The following VAX1 variants were observed in gnomAD, a reference collection of about 807,000 sequenced individuals.
VAX1 encodes ventral anterior homeobox 1.
VAX1 carries 6 observed loss-of-function variants against 17.6 expected under a neutral mutation model. The observed-to-expected ratio is 0.34, with a 90% CI of 0.19 to 0.67. The LOEUF is 0.67. VAX1 is among the 30% of genes least tolerant of loss of function. VAX1 has a pLI of 0.69. For synonymous variants in VAX1, 256 were observed against 227.4 expected, an observed-to-expected ratio of 1.13 and a Z score of -1.13; for missense variants, 408 against 463.7, an observed-to-expected ratio of 0.88 and a Z score of 1.10.
chr10:117,135,764 T>C (rs1026379934), intron 2 of VAX1, among the ~76,000 whole-genome samples: 2 of 152,238 alleles, frequency 1.3e-5, no homozygotes, highest in Admixed American at 1.3e-4. Flanking sequence ...GGGCATCATA[T>C]GGATTTAATG....
rs1272377377 is a variant in VAX1 at position 117,137,231 on chromosome 10, C to A, written c.242-572G>T. On this transcript the variant is annotated intron_variant, in intron 1 of 2. Coordinates refer to ENST00000369206, the MANE Select transcript of VAX1 (RefSeq NM_001112704.2). This position sits in a 1 kb window ranked among gnomAD's most constrained non-coding sequence, Gnocchi z 7.4. ...CGCCGCCGGGGCTAAGTGCACGCCG[C>A]GCCATCCGAGAGCGGCAGAGCAGAG... 3.3e-5 allele frequency among the ~76,000 whole-genome samples: 5 copies of A among 152,104 alleles called. No homozygotes were observed. The East Asian group carries it at 7.8e-4, about 24-fold the overall frequency.
At position 117,137,189 on chromosome 10, in the gene VAX1, C is replaced by T. The variant is rs1854194542; in HGVS notation, c.242-530G>A. On this transcript the variant is annotated intron_variant, in intron 1 of 2. Coordinates refer to ENST00000369206, the MANE Select transcript of VAX1 (RefSeq NM_001112704.2). This position sits in a 1 kb window ranked among gnomAD's most constrained non-coding sequence, Gnocchi z 7.4. ...TGGCTGGGGCGGCGCCGGGCCGGGGCCCGGCCTCGCAGCCTCCGCCGCCGG... is the reference window on the plus strand; with the variant it reads ...TGGCTGGGGCGGCGCCGGGCCGGGGTCCGGCCTCGCAGCCTCCGCCGCCGG... Among the ~76,000 whole-genome samples, 1 of 151,956 alleles carries T rather than the reference C, an allele frequency of 6.6e-6. No homozygotes were observed. Among genetic ancestry groups the T allele is most frequent in the South Asian group, 2.1e-4 (1 of 4,826 alleles).
chr10:117,130,223 C>T (rs1854067174), downstream of VAX1: 1 of 152,080 alleles, frequency 6.6e-6, no homozygotes, highest in South Asian at 2.1e-4. Flanking sequence ...CCCAAAGCCA[C>T]CATGAGGAAT....
Position 117,136,440 on chromosome 10 carries a change from G to A in VAX1, c.429+32C>T, listed in dbSNP as rs1411858815. ...AGGGGTGGTGGGGAGGAAGGCTGGT[G>A]CAGAACTGTGTGCGGCCTGGTCGCC... On this transcript the variant is annotated intron_variant, in intron 2 of 2. Transcript: ENST00000369206. The surrounding 1 kb of genome is among the most constrained non-coding windows in gnomAD (Gnocchi z 5.0). 3 of 1,610,796 alleles carry A rather than the reference G, an allele frequency of 1.9e-6. No individual in the cohort carries two copies. The highest frequency in any genetic ancestry group is 1.7e-6 in the Non-Finnish European group (2 of 1,179,582).
Position 117,137,725 on chromosome 10 carries a change from C to G in VAX1, c.241+91G>C. On this transcript the variant is annotated intron_variant, in intron 1 of 2. Coordinates refer to ENST00000369206, the MANE Select transcript of VAX1 (RefSeq NM_001112704.2). This position sits in a 1 kb window ranked among gnomAD's most constrained non-coding sequence, Gnocchi z 7.4. Reference sequence around the variant, plus strand: ...TTTCTCCCAAGTCCCAGCCGGCACTCCTTCCCACCGGCCTGTGTCGGCGGC... The same window carrying G: ...TTTCTCCCAAGTCCCAGCCGGCACTGCTTCCCACCGGCCTGTGTCGGCGGC... The G allele has an allele frequency of 6.3e-7, 1 of 1,597,186 alleles. No individual in the cohort carries two copies.
Position 117,138,181 on chromosome 10 carries a change from G to T in VAX1, c.-125C>A. 1 of 1,134,742 alleles carries T rather than the reference G, an allele frequency of 8.8e-7. No individual in the cohort carries two copies. The highest frequency in any genetic ancestry group is 1.5e-5 in the South Asian group (1 of 68,636). The allele number at this position is 1,134,742 out of a possible 1,614,324, so 70.3% of individuals were successfully genotyped here. A position where few individuals can be genotyped will look rare whatever the true frequency, so the allele number is the denominator to read the frequency against. ...AAACCCCCGACAACGCGGCCCGTACGCCCGGCCCGGCGACAGGCAAGGGGC... is the reference window on the plus strand; with the variant it reads ...AAACCCCCGACAACGCGGCCCGTACTCCCGGCCCGGCGACAGGCAAGGGGC... On this transcript the variant is annotated 5_prime_UTR_variant, in exon 1 of 3. Transcript: ENST00000369206.
chr10:117,135,471 T>C (rs1854160654), intron 2 of VAX1, among the ~76,000 whole-genome samples: 1 of 152,234 alleles, frequency 6.6e-6, no homozygotes, highest in African/African-American at 2.4e-5. Context: ...AAGACTATCC[T>C]ATCTAGATTT....
downstream of VAX1, chr10:117,132,416 T>C (rs1339490947): frequency 6.2e-7 from 1 of 1,612,562 alleles, no homozygotes; most frequent in Non-Finnish European, 8.5e-7. This position sits in a 1 kb window ranked among gnomAD's most constrained non-coding sequence, Gnocchi z 4.9. Context: ...ACAAAGTTAG[T>C]AGCCTGGATT....
chr10:117,135,309 A>C (rs764596029), intron 2 of VAX1, among the ~76,000 whole-genome samples: 3 of 152,220 alleles, frequency 2.0e-5, no homozygotes, highest in Non-Finnish European at 2.9e-5. Flanking sequence ...CTCTTAGTTT[A>C]TCTCTCCACT....
chr10:117,134,201 C>T lies in VAX1; in HGVS notation c.812G>A (p.Ser271Asn), dbSNP rs1854133632. ...LHAGAPAAGHSLFSLPVPSLL... is the reference protein window; with the variant it reads ...LHAGAPAAGHNLFSLPVPSLL... ...CGAGGGCACCGGCAGGCTGAAGAGGCTGTGGCCCGCGGCCGGGGCGCCTGC... is the reference window on the plus strand; with the variant it reads ...CGAGGGCACCGGCAGGCTGAAGAGGTTGTGGCCCGCGGCCGGGGCGCCTGC... The change falls in exon 3 of 3, where the codon AGC becomes AAC. Residue 271 changes from serine (S) to asparagine (N), a missense_variant. Ser to Asn is a conservative substitution (Grantham distance 46). Coordinates refer to ENST00000369206, the MANE Select transcript of VAX1 (RefSeq NM_001112704.2). The surrounding 1 kb of genome is among the most constrained non-coding windows in gnomAD (Gnocchi z 6.2). 1 of 1,481,304 alleles carries T rather than the reference C, an allele frequency of 6.8e-7. No homozygotes were observed. The highest frequency in any genetic ancestry group is 8.9e-7 in the Non-Finnish European group (1 of 1,120,256). 91.8% of individuals were successfully genotyped at this position (1,481,304 alleles called of 1,614,324 possible).
chr10:117,132,121 G>A (rs1854093122), downstream of VAX1: 12 of 1,349,246 alleles, frequency 8.9e-6, no homozygotes, highest in Middle Eastern at 8.0e-4. This position sits in a 1 kb window ranked among gnomAD's most constrained non-coding sequence, Gnocchi z 4.9. Flanking sequence ...ACAAATCGTC[G>A]TAGCCAGGCG....
chr10:117,138,097 A>C lies in VAX1; in HGVS notation c.-41T>G. Reference sequence around the variant, plus strand: ...CAAAAACAGAAAGGAAAAAAAAAGCAAAAAAAAAAAAAAGGGGGGGGGGCG... The same window carrying C: ...CAAAAACAGAAAGGAAAAAAAAAGCCAAAAAAAAAAAAAGGGGGGGGGGCG... On this transcript the variant is annotated 5_prime_UTR_variant, in exon 1 of 3. Transcript: ENST00000369206. The C allele has an allele frequency of 4.1e-5, 2 of 48,600 alleles. No homozygotes were observed. Among genetic ancestry groups the C allele is most frequent in the Non-Finnish European group, 7.3e-5 (2 of 27,324 alleles). The allele number at this position is 48,600 out of a possible 1,614,324, so 3.0% of individuals were successfully genotyped here. A position where few individuals can be genotyped will look rare whatever the true frequency, so the allele number is the denominator to read the frequency against.
Position 117,133,435 on chromosome 10 carries a change from C to T in VAX1, c.*573G>A. Reference sequence around the variant, plus strand: ...AAGGGGAGAAAAACCGCAGGATTTGCCCGCCAGGAAGCTGTGTTGTGTACC... The same window carrying T: ...AAGGGGAGAAAAACCGCAGGATTTGTCCGCCAGGAAGCTGTGTTGTGTACC... On this transcript the variant is annotated 3_prime_UTR_variant, in exon 3 of 3. Coordinates refer to ENST00000369206, the MANE Select transcript of VAX1 (RefSeq NM_001112704.2). 3.0e-6 allele frequency: 3 copies of T among 985,470 alleles called. No individual in the cohort carries two copies. The highest frequency in any genetic ancestry group is 3.6e-6 in the Non-Finnish European group (3 of 830,022). The allele number at this position is 985,470 out of a possible 1,614,324, so 61.0% of individuals were successfully genotyped here.
chr10:117,136,112 A>G lies in VAX1; in HGVS notation c.429+360T>C, dbSNP rs1854173621. ...GGTGGGGCCTAGAAATCTAGCCAAA[A>G]TGGGGTACCCCAAACAAGGGCAAAA... On this transcript the variant is annotated intron_variant, in intron 2 of 2. Coordinates refer to ENST00000369206, the MANE Select transcript of VAX1 (RefSeq NM_001112704.2). This position sits in a 1 kb window ranked among gnomAD's most constrained non-coding sequence, Gnocchi z 5.0. Among the ~76,000 whole-genome samples the G allele has an allele frequency of 6.6e-6, 1 of 152,242 alleles. No homozygotes were observed. The highest frequency in any genetic ancestry group is 1.5e-5 in the Non-Finnish European group (1 of 68,042).
chr10:117,134,280 G>A lies in VAX1; in HGVS notation c.733C>T (p.Pro245Ser). The A allele has an allele frequency of 8.0e-7, 1 of 1,253,460 alleles. No individual in the cohort carries two copies. Among genetic ancestry groups the A allele is most frequent in the Non-Finnish European group, 1.0e-6 (1 of 1,003,280 alleles). The allele number at this position is 1,253,460 out of a possible 1,614,324, so 77.6% of individuals were successfully genotyped here. ...GPAGAASPHP[P>S]AVGGAPGPGP... Reference sequence around the variant, plus strand: ...GGACCTGGAGCACCGCCCACAGCCGGCGGGTGCGGGGATGCAGCGCCCGCT... The same window carrying A: ...GGACCTGGAGCACCGCCCACAGCCGACGGGTGCGGGGATGCAGCGCCCGCT... The change falls in exon 3 of 3, where the codon CCG (proline) becomes TCG (serine). Residue 245 changes from proline to serine, a missense_variant. Physicochemically the swap from Pro to Ser is moderately conservative, Grantham distance 74 (BLOSUM62 -1). Around this residue, in one of 4 missense-constraint regions of VAX1, gnomAD observed 196 missense variants for 218.7 expected, o/e 0.90. Coordinates refer to ENST00000369206, the MANE Select transcript of VAX1 (RefSeq NM_001112704.2). The surrounding 1 kb of genome is among the most constrained non-coding windows in gnomAD (Gnocchi z 6.2).
chr10:117,134,410 G>T lies in VAX1; in HGVS notation c.603C>A (p.Ala201=). 6.7e-7 allele frequency: 1 copy of T among 1,485,706 alleles called. No homozygotes were observed. Among genetic ancestry groups the T allele is most frequent in the Non-Finnish European group, 8.9e-7 (1 of 1,125,064 alleles). The allele number at this position is 1,485,706 out of a possible 1,614,324, so 92.0% of individuals were successfully genotyped here. The part of the protein sequence containing the change: ...PGLPALLPPC[A]TGALGSALRG... ...GCAGCGCTGAGCCGAGAGCGCCCGT[G>T]GCGCAAGGCGGCAGCAGCGCAGGCA... The change falls in exon 3 of 3, where the codon GCC becomes GCA. Residue 201 remains alanine (A), a synonymous_variant. Coordinates refer to ENST00000369206, the MANE Select transcript of VAX1 (RefSeq NM_001112704.2). The surrounding 1 kb of genome is among the most constrained non-coding windows in gnomAD (Gnocchi z 6.2).
chr10:117,136,519 G>C lies in VAX1; in HGVS notation c.382C>G (p.Arg128Gly). 1 of 1,613,846 alleles carries C rather than the reference G, an allele frequency of 6.2e-7. No individual in the cohort carries two copies. Among genetic ancestry groups the C allele is most frequent in the Non-Finnish European group, 8.5e-7 (1 of 1,180,010 alleles). The change falls in exon 2 of 3, where the codon CGC becomes GGC. Residue 128 changes from arginine (R) to glycine (G), a missense_variant. Physicochemically the swap from Arg to Gly is moderately radical, Grantham distance 125. Around this residue, in one of 4 missense-constraint regions of VAX1, gnomAD observed 75 missense variants for 116.1 expected, o/e 0.65. Transcript: ENST00000369206. The surrounding 1 kb of genome is among the most constrained non-coding windows in gnomAD (Gnocchi z 5.0). ...TGCCGGGCGAGCTCGGTCCTCTCGC[G>C]GCCCACCACGTACTGGCAGCGCTGG... ...EFQRCQYVVG[R>G]ERTELARQLN...
In VAX1 at chr10:117,134,722, G is replaced by A; in HGVS notation, c.430-139C>T. ...CCGCAGCCCCACCCAGCAGCCGGAG[G>A]GGTCCGGGCCGGGGCGCTGCTGGGG... On this transcript the variant is annotated intron_variant, in intron 2 of 2. Coordinates refer to ENST00000369206, the MANE Select transcript of VAX1 (RefSeq NM_001112704.2). The surrounding 1 kb of genome is among the most constrained non-coding windows in gnomAD (Gnocchi z 6.2). 2 of 896,910 alleles carry A rather than the reference G, an allele frequency of 2.2e-6. No homozygotes were observed. The highest frequency in any genetic ancestry group is 3.1e-6 in the Non-Finnish European group (2 of 643,074). 55.6% of individuals were successfully genotyped at this position (896,910 alleles called of 1,614,324 possible). A position where few individuals can be genotyped will look rare whatever the true frequency, so the allele number is the denominator to read the frequency against.
At chr10:117,135,506 G>C (rs535126099) in intron 2 of VAX1, among the ~76,000 whole-genome samples, 3 of 152,344 alleles carry the variant, frequency 2.0e-5, no homozygotes, top group African/African-American at 7.2e-5. Context: ...AGTAGTAGCA[G>C]AGAGAATAGA....
Sources: allele counts gnomAD v4.1 joint callset (sites outside exome capture counted in the v4.1 genomes callset), GRCh38; gene constraint gnomAD v4.1.1; regional missense constraint gnomAD v4.1.1; non-coding constraint Gnocchi (gnomAD v3.1); transcripts MANE v1.5; gene names NCBI Gene and HGNC (gene_info 2026-07-23, HGNC 2026-07-21).